The following ACVR1C variants were observed in gnomAD, a reference collection of about 807,000 sequenced individuals.
ACVR1C encodes activin A receptor type 1C.
ACVR1C carries 23 observed loss-of-function variants against 57.9 expected under a neutral mutation model. The observed-to-expected ratio is 0.40, with a 90% CI of 0.29 to 0.56. The LOEUF (loss-of-function observed/expected upper bound fraction) is 0.56, where lower values mean the gene tolerates loss of function less well. ACVR1C is among the 20% of genes least tolerant of loss of function. The probability of loss-of-function intolerance (pLI) is 0.50; values close to 1 mark genes in which losing one functional copy is unlikely to be tolerated. For missense variants in ACVR1C, 480 were observed against 607.9 expected, an observed-to-expected ratio of 0.79 and a Z score of 2.21; for synonymous variants, 214 against 215.3, an observed-to-expected ratio of 0.99 and a Z score of 0.05.
chr2:157,585,223 T>C (rs1452138956), intron 2 of ACVR1C, among the ~76,000 whole-genome samples: 2 of 152,216 alleles, frequency 1.3e-5, no homozygotes, highest in Non-Finnish European at 1.5e-5. Flanking sequence ...ATTATGAATA[T>C]GCTAATTACC....
At chr2:157,558,746 G>C (rs1688165529) in intron 2 of ACVR1C, among the ~76,000 whole-genome samples, 1 of 152,158 alleles carries the variant, frequency 6.6e-6, no homozygotes, top group Non-Finnish European at 1.5e-5. Context: ...AGAATTATCT[G>C]ACTTGACTTT....
intron 2 of ACVR1C, among the ~76,000 whole-genome samples, chr2:157,559,399 C>A (rs569326888): frequency 9.9e-5 from 15 of 152,110 alleles, no homozygotes; most frequent in Middle Eastern, 6.3e-3. Flanking sequence ...TGATGATAAT[C>A]CCTAGGGGGG....
chr2:157,621,577 C>T (rs1682772182), intron 1 of ACVR1C, among the ~76,000 whole-genome samples: 1 of 152,150 alleles, frequency 6.6e-6, no homozygotes, highest in Non-Finnish European at 1.5e-5. Flanking sequence ...GCTATGTCTT[C>T]CTTCTTTTCC....
chr2:157,559,911 A>G (rs1688196699), intron 2 of ACVR1C, among the ~76,000 whole-genome samples: 1 of 151,428 alleles, frequency 6.6e-6, no homozygotes, highest in Non-Finnish European at 1.5e-5. Flanking sequence ...AGGAAAGAGG[A>G]AGGAAGAAGG....
rs566948768 is a variant in ACVR1C, at chr2:157,605,403, C to T, written c.74-17986G>A. The stretch of plus-strand genomic sequence containing the variant: ...CCTTTCCCTATAAATTTTAGAATCA[C>T]CTTGGTGAATTCTACGTAAATTCCT... On this transcript the variant is annotated intron_variant, in intron 1 of 8. Transcript: ENST00000243349. Among the ~76,000 whole-genome samples, 6 of 151,816 alleles carry T rather than the reference C, an allele frequency of 4.0e-5. No individual in the cohort carries two copies. In the East Asian group the frequency reaches 9.6e-4, roughly 24 times the overall value.
chr2:157,579,702 A>G (rs111781800), intron 2 of ACVR1C, among the ~76,000 whole-genome samples: 1 of 152,312 alleles, frequency 6.6e-6, no homozygotes, highest in African/African-American at 2.4e-5. Flanking sequence ...GTACTGAAAT[A>G]TGGAAGTAGG....
At chr2:157,576,835 C>CTTTTTTTTTTTTTT (rs1166673398) in intron 2 of ACVR1C, among the ~76,000 whole-genome samples, 1 of 41,718 alleles carries the variant, frequency 2.4e-5, no homozygotes, top group African/African-American at 1.4e-4. Flanking sequence ...TTGAAATTTT[C>CTTTTTTTTTTTTTT]TTTTTTTTTT....
intron 2 of ACVR1C, among the ~76,000 whole-genome samples, chr2:157,582,884 CT>C (rs1284726957): frequency 1.3e-5 from 2 of 152,108 alleles, no homozygotes; most frequent in East Asian, 3.8e-4. Flanking sequence ...TCTTTTCTTT[CT>C]TTCTTTTTTT....
chr2:157,605,021 A>G (rs1484956544), intron 1 of ACVR1C, among the ~76,000 whole-genome samples: 1 of 151,784 alleles, frequency 6.6e-6, no homozygotes, highest in East Asian at 1.9e-4. Flanking sequence ...AGAAGTTTTT[A>G]TAGTTTTAGA....
intron 1 of ACVR1C, among the ~76,000 whole-genome samples, chr2:157,619,073 T>G (rs1300475140): frequency 4.6e-5 from 7 of 151,758 alleles, no homozygotes; most frequent in Non-Finnish European, 7.4e-5. Flanking sequence ...TACAGAACAC[T>G]CCACTCATCC....
chr2:157,563,744 G>T lies in ACVR1C; in HGVS notation c.305-7412C>A, dbSNP rs185457052. ...CTGCAAGGCTACAGTAACCAAAACAGCATGGTACTGGTACCAAAACAGACA... is the reference window on the plus strand; with the variant it reads ...CTGCAAGGCTACAGTAACCAAAACATCATGGTACTGGTACCAAAACAGACA... On this transcript the variant is annotated intron_variant, in intron 2 of 8. Transcript: ENST00000243349. Among the ~76,000 whole-genome samples, 13 of 152,276 alleles carry T rather than the reference G, an allele frequency of 8.5e-5. No homozygotes were observed. In the East Asian group the frequency reaches 2.3e-3, roughly 27 times the overall value.
chr2:157,562,027 T>G (rs747468172), intron 2 of ACVR1C, among the ~76,000 whole-genome samples: 62 of 152,144 alleles, frequency 4.1e-4, no homozygotes, highest in Non-Finnish European at 8.1e-4. Context: ...CTGGGTGCGG[T>G]GGCTCACGCC....
chr2:157,549,007 T>C lies in ACVR1C; in HGVS notation c.775+1155A>G, dbSNP rs1687841004. On this transcript the variant is annotated intron_variant, in intron 4 of 8. Transcript: ENST00000243349. ...CAGCTAGTATTAATTGGTATGTCTG[T>C]ATTGGTTATTAAAATATTGAAATAT... 2.6e-5 allele frequency among the ~76,000 whole-genome samples: 4 copies of C among 152,210 alleles called. No homozygotes were observed. The South Asian group carries it at 6.2e-4, about 24-fold the overall frequency.
At chr2:157,549,784 G>A (rs931139833) in intron 4 of ACVR1C, among the ~76,000 whole-genome samples, 2 of 135,918 alleles carry the variant, frequency 1.5e-5, no homozygotes, top group Non-Finnish European at 3.0e-5. Flanking sequence ...AGGAGATCAA[G>A]ACCATCCTGG....
chr2:157,569,471 C>A, intron 2 of ACVR1C, among the ~76,000 whole-genome samples: 2 of 69,542 alleles, frequency 2.9e-5, no homozygotes, highest in African/African-American at 6.5e-5. Flanking sequence ...GCTAGCAAGA[C>A]TAATAAAGAA....
chr2:157,566,656 C>T (rs1688391345), intron 2 of ACVR1C, among the ~76,000 whole-genome samples: 1 of 151,762 alleles, frequency 6.6e-6, no homozygotes, highest in African/African-American at 2.4e-5. Flanking sequence ...TTCAGACCGG[C>T]TTAAGAAACG....
At chr2:157,626,589 A>G (rs1015714851) in intron 1 of ACVR1C, among the ~76,000 whole-genome samples, 9 of 152,230 alleles carry the variant, frequency 5.9e-5, no homozygotes, top group Non-Finnish European at 1.0e-4. Context: ...GGCCAATATG[A>G]TTAACAGTAT....
chr2:157,528,827 A>G lies in ACVR1C; in HGVS notation c.*5091T>C, dbSNP rs1265896562. Reference sequence around the variant, plus strand: ...AAAAGAAAAATCATCTCTGCCATTAACAAATACTCTATAGTGCCAAATGAA... The same window carrying G: ...AAAAGAAAAATCATCTCTGCCATTAGCAAATACTCTATAGTGCCAAATGAA... On this transcript the variant is annotated 3_prime_UTR_variant, in exon 9 of 9. Transcript: ENST00000243349. 3 of 152,178 alleles carry G rather than the reference A, an allele frequency of 2.0e-5. No homozygotes were observed. Among genetic ancestry groups the G allele is most frequent in the Admixed American group, 1.3e-4 (2 of 15,270 alleles). 9.4% of individuals were successfully genotyped at this position (152,178 alleles called of 1,614,324 possible).
intron 8 of ACVR1C, among the ~76,000 whole-genome samples, chr2:157,537,005 C>T (rs1687505640): frequency 2.0e-5 from 3 of 152,032 alleles, no homozygotes; most frequent in Admixed American, 6.5e-5. Flanking sequence ...ATAGCACATG[C>T]TTCTATTGTA....
Sources: allele counts gnomAD v4.1 joint callset (sites outside exome capture counted in the v4.1 genomes callset), GRCh38; gene constraint gnomAD v4.1.1; transcripts MANE v1.5; gene names NCBI Gene and HGNC (gene_info 2026-07-23, HGNC 2026-07-21).